The following ADGRB3 variants were observed in gnomAD, a reference collection of about 807,000 sequenced individuals.
ADGRB3 encodes adhesion G protein-coupled receptor B3, also known as brain-specific angiogenesis inhibitor 3.
In ADGRB3, 37 loss-of-function variants were observed where a neutral mutation model predicts 193.4. The observed-to-expected ratio is 0.19, with a 90% CI of 0.15 to 0.25. The LOEUF (loss-of-function observed/expected upper bound fraction) is 0.25. Ranked by LOEUF, ADGRB3 falls within the 10% of genes least tolerant of loss-of-function variation. ADGRB3 has a pLI of 1.00. For missense variants in ADGRB3, 1,637 were observed against 1,852.9 expected (o/e 0.88, Z 2.14); for synonymous variants, 690 against 644.2 (o/e 1.07, Z -1.08).
intron 20 of ADGRB3, among the ~76,000 whole-genome samples, chr6:69,294,005 G>T (rs749143012): frequency 7.2e-5 from 11 of 152,082 alleles, no homozygotes; most frequent in Admixed American, 5.2e-4. Flanking sequence ...AAAAATGTTG[G>T]TGGTGGCATC....
At chr6:68,653,267 C>T (rs976740074) in intron 3 of ADGRB3, among the ~76,000 whole-genome samples, 4 of 152,084 alleles carry the variant, frequency 2.6e-5, no homozygotes, top group Admixed American at 2.0e-4. Flanking sequence ...ATAAAACTTC[C>T]TTTTTTGAGA....
At chr6:69,378,518 T>C (rs929687346) in intron 30 of ADGRB3, among the ~76,000 whole-genome samples, 6 of 152,054 alleles carry the variant, frequency 3.9e-5, no homozygotes, top group East Asian at 1.9e-4. Context: ...CCCAGGGTTA[T>C]TGTGAGGATT....
chr6:69,245,215 T>A (rs1251419451), intron 20 of ADGRB3, among the ~76,000 whole-genome samples: 2 of 152,090 alleles, frequency 1.3e-5, no homozygotes, highest in African/African-American at 2.4e-5. Flanking sequence ...GTATTGATCA[T>A]ACTGCTTACA....
intron 17 of ADGRB3, among the ~76,000 whole-genome samples, chr6:69,210,740 A>C (rs1209525910): frequency 6.6e-6 from 1 of 152,022 alleles, no homozygotes; most frequent in Non-Finnish European, 1.5e-5. Context: ...ATGGCAAATA[A>C]ATTTCAACAT....
intron 17 of ADGRB3, among the ~76,000 whole-genome samples, chr6:69,095,331 T>G (rs557020693): frequency 6.5e-5 from 9 of 139,472 alleles, no homozygotes; most frequent in African/African-American, 2.4e-4. Context: ...AAGAGAGTTC[T>G]GAACCAGATT....
chr6:69,158,692 C>T (rs35401644), intron 17 of ADGRB3, among the ~76,000 whole-genome samples: 1 of 152,006 alleles, frequency 6.6e-6, no homozygotes, highest in South Asian at 2.1e-4. Flanking sequence ...AACATTATTA[C>T]TAAAGTACCA....
chr6:68,814,327 A>C (rs1767581220), intron 3 of ADGRB3, among the ~76,000 whole-genome samples: 1 of 152,044 alleles, frequency 6.6e-6, no homozygotes, highest in African/African-American at 2.4e-5. Flanking sequence ...GCATCTTTTC[A>C]TGTGTCTTTT....
At chr6:68,993,112 C>G (rs899522289) in intron 10 of ADGRB3, among the ~76,000 whole-genome samples, 1 of 152,064 alleles carries the variant, frequency 6.6e-6, no homozygotes, top group South Asian at 2.1e-4. Flanking sequence ...CTCTGACCAT[C>G]AAACTAATTT....
chr6:69,039,313 C>T (rs1307524012), intron 13 of ADGRB3, among the ~76,000 whole-genome samples: 1 of 150,822 alleles, frequency 6.6e-6, no homozygotes, highest in Non-Finnish European at 1.5e-5. Flanking sequence ...ATCTTTTATC[C>T]TTGAAGTTGT....
chr6:69,112,168 T>C (rs567234248), intron 17 of ADGRB3, among the ~76,000 whole-genome samples: 2 of 152,158 alleles, frequency 1.3e-5, no homozygotes, highest in Non-Finnish European at 2.9e-5. Context: ...CTGGTCCTTG[T>C]GGTTACGTGA....
chr6:69,262,511 A>G (rs937534159), intron 20 of ADGRB3, among the ~76,000 whole-genome samples: 3 of 151,828 alleles, frequency 2.0e-5, no homozygotes, highest in Non-Finnish European at 4.4e-5. Flanking sequence ...CAATTCTCCT[A>G]TGTTTTCAAA....
chr6:68,912,863 C>T (rs1766756858), intron 3 of ADGRB3, among the ~76,000 whole-genome samples: 1 of 152,160 alleles, frequency 6.6e-6, no homozygotes, highest in Non-Finnish European at 1.5e-5. Context: ...CACCCTAATA[C>T]TGCGCTTTTC....
chr6:69,019,259 ATT>A (rs1280814748), intron 13 of ADGRB3, among the ~76,000 whole-genome samples: 2 of 151,904 alleles, frequency 1.3e-5, no homozygotes, highest in Non-Finnish European at 2.9e-5. Flanking sequence ...ATTTTCTTTC[ATT>A]TGTCATACTT....
intron 3 of ADGRB3, among the ~76,000 whole-genome samples, chr6:68,757,488 C>T (rs996448796): frequency 2.0e-5 from 3 of 152,018 alleles, no homozygotes; most frequent in Non-Finnish European, 4.4e-5. Flanking sequence ...TTCTACCAGA[C>T]TATTGATTTG....
rs540668711 is a variant in ADGRB3, at chr6:69,201,720, C to G, written c.2481-31570C>G. ...TGGGTCTCAATGTTATTAGGTCTAT[C>G]CTAAATTTTGTCTCTCCTTCCATGA... is the stretch of plus-strand genomic sequence containing the variant. On this transcript the variant is annotated intron_variant, in intron 17 of 31. Transcript: ENST00000370598. Among the ~76,000 whole-genome samples the G allele has an allele frequency of 2.6e-5, 4 of 152,058 alleles. No individual in the cohort carries two copies. In the South Asian group the frequency reaches 8.3e-4, roughly 32 times the overall value.
chr6:68,995,976 A>G (rs1582380324), intron 11 of ADGRB3, among the ~76,000 whole-genome samples: 1 of 152,280 alleles, frequency 6.6e-6, no homozygotes, highest in East Asian at 1.9e-4. Context: ...TTACTTGATT[A>G]TAAACTCTGG....
chr6:68,974,201 A>C (rs1245150213), intron 8 of ADGRB3, among the ~76,000 whole-genome samples: 1 of 152,176 alleles, frequency 6.6e-6, no homozygotes, highest in Non-Finnish European at 1.5e-5. Flanking sequence ...GAATATGTTC[A>C]ACTTGTAGGC....
chr6:68,763,657 G>T (rs572066430), intron 3 of ADGRB3, among the ~76,000 whole-genome samples: 1 of 152,258 alleles, frequency 6.6e-6, no homozygotes, highest in South Asian at 2.1e-4. Context: ...GAATTTAAAG[G>T]TAATGCATCT....
intron 17 of ADGRB3, among the ~76,000 whole-genome samples, chr6:69,142,646 G>A (rs1318547331): frequency 2.0e-5 from 3 of 152,174 alleles, no homozygotes; most frequent in Non-Finnish European, 2.9e-5. Flanking sequence ...TATGTCAGCT[G>A]CATCCTTTTA....
Sources: allele counts gnomAD v4.1 joint callset (sites outside exome capture counted in the v4.1 genomes callset), GRCh38; gene constraint gnomAD v4.1.1; transcripts MANE v1.5; gene names NCBI Gene and HGNC (gene_info 2026-07-23, HGNC 2026-07-21).